KCNN3: variants seen among roughly 807,000 people sequenced by gnomAD.
KCNN3 encodes the protein small conductance calcium-activated potassium channel protein 3.
KCNN3 carries 16 observed loss-of-function variants against 62.9 expected under a neutral mutation model. That is an observed-to-expected ratio of 0.25 (90% CI 0.17 to 0.39). The LOEUF (loss-of-function observed/expected upper bound fraction) is 0.39. Among genes scored for constraint, KCNN3 ranks in the 10% least tolerant of loss-of-function variants. KCNN3 has a pLI of 1.00. For synonymous variants in KCNN3, 370 were observed against 389.2 expected (o/e 0.95, Z 0.58); for missense variants, 599 against 949.4 (o/e 0.63, Z 4.85).
chr1:154,835,269 C>A (rs1213299720), intron 1 of KCNN3, among the ~76,000 whole-genome samples: 1 of 152,166 alleles, frequency 6.6e-6, no homozygotes, highest in East Asian at 1.9e-4. Flanking sequence ...TGTTATCTGG[C>A]ATAATTATTA....
chr1:154,757,325 T>C (rs1464618335), intron 3 of KCNN3, among the ~76,000 whole-genome samples: 2 of 152,220 alleles, frequency 1.3e-5, no homozygotes, highest in Admixed American at 6.5e-5. Context: ...AGGAGCCTCT[T>C]GTCTCTTTGA....
rs529431722 is a variant in KCNN3, at chr1:154,864,125, G to A, written c.933+4907C>T. On this transcript the variant is annotated intron_variant, in intron 1 of 7. Transcript: ENST00000271915. ...AAATGTGTGCCTAGGGCCCTCGGCA[G>A]TGGGCTCGCAGGCTCTCAGCCAGTC... Among the ~76,000 whole-genome samples, 3 of 152,362 alleles carry A rather than the reference G, an allele frequency of 2.0e-5. No individual in the cohort carries two copies. In the South Asian group the frequency reaches 6.2e-4, roughly 32 times the overall value.
intron 1 of KCNN3, among the ~76,000 whole-genome samples, chr1:154,834,326 T>C (rs916882072): frequency 1.1e-4 from 16 of 152,242 alleles, no homozygotes; most frequent in Admixed American, 2.0e-4. Context: ...CACCAGCCTG[T>C]ACAGGGCTTC....
intron 3 of KCNN3, among the ~76,000 whole-genome samples, chr1:154,734,922 C>T (rs1700678885): frequency 2.0e-5 from 3 of 152,118 alleles, no homozygotes; most frequent in African/African-American, 4.8e-5. Context: ...AAGCGACTGG[C>T]GTGTGTCTTG....
chr1:154,756,717 T>TA (rs1557960149), intron 3 of KCNN3, among the ~76,000 whole-genome samples: 2 of 152,186 alleles, frequency 1.3e-5, no homozygotes, highest in African/African-American at 2.4e-5. Flanking sequence ...AATTTTTTTT[T>TA]AAAAAAGAAT....
chr1:154,713,231 C>G (rs1463535320), intron 7 of KCNN3, among the ~76,000 whole-genome samples: 1 of 152,168 alleles, frequency 6.6e-6, no homozygotes, highest in African/African-American at 2.4e-5. Flanking sequence ...AGAGACACAC[C>G]TGAGCGATTT....
chr1:154,807,389 G>A (rs1045533840), intron 2 of KCNN3, among the ~76,000 whole-genome samples: 1 of 152,122 alleles, frequency 6.6e-6, no homozygotes, highest in Non-Finnish European at 1.5e-5. Flanking sequence ...ACCTGCCCCC[G>A]CACTTCAACC....
At chr1:154,783,212 C>A (rs1311805893) in intron 2 of KCNN3, among the ~76,000 whole-genome samples, 3 of 140,308 alleles carry the variant, frequency 2.1e-5, no homozygotes, top group African/African-American at 2.6e-5. Flanking sequence ...GACTCCATCT[C>A]AAAAAAAAAA....
chr1:154,863,540 G>A (rs1652845519), intron 1 of KCNN3, among the ~76,000 whole-genome samples: 1 of 152,042 alleles, frequency 6.6e-6, no homozygotes, highest in African/African-American at 2.4e-5. Context: ...CCCCAAATGT[G>A]CTTCACAAAT....
At chr1:154,821,508 C>T (rs1650892213) in intron 2 of KCNN3, among the ~76,000 whole-genome samples, 1 of 152,218 alleles carries the variant, frequency 6.6e-6, no homozygotes, top group South Asian at 2.1e-4. Context: ...GCCAATGTTT[C>T]TCTGGGTACC....
chr1:154,859,025 G>T (rs1652650101), intron 1 of KCNN3, among the ~76,000 whole-genome samples: 1 of 152,136 alleles, frequency 6.6e-6, no homozygotes, highest in Non-Finnish European at 1.5e-5. Flanking sequence ...GCCCCCCTGA[G>T]GAGGCCTCCC....
chr1:154,709,297 G>C (rs189630938), intron 7 of KCNN3, among the ~76,000 whole-genome samples: 2 of 152,180 alleles, frequency 1.3e-5, no homozygotes, highest in African/African-American at 2.4e-5. Flanking sequence ...AGCCTCCCAC[G>C]TGTCAGGGAG....
rs180956749 is a variant in KCNN3 at position 154,725,607 on chromosome 1, G to A, written c.1701+309C>T. Among the ~76,000 whole-genome samples the A allele has an allele frequency of 4.9e-4, 73 of 150,422 alleles. No individual in the cohort carries two copies. The Middle Eastern group carries it at 0.014, about 28-fold the overall frequency. ...CACCCAGGCTGGAGTGCAGTAGTGC[G>A]ATCTCGGCTCACTGCAACCTCCGCC... On this transcript the variant is annotated intron_variant, in intron 5 of 7. Coordinates refer to ENST00000271915, the MANE Select transcript of KCNN3 (RefSeq NM_002249.6).
chr1:154,826,093 AAC>A lies in KCNN3; in HGVS notation c.934-3911_934-3910del, dbSNP rs1309695090. On this transcript the variant is annotated intron_variant, in intron 1 of 7. Transcript: ENST00000271915. ...CAAAAACAAAAACAAAAACAAAAAA[AAC>A]CAAAAAACACTTCTGCAGACAATAT... is the stretch of plus-strand genomic sequence containing the variant. Among the ~76,000 whole-genome samples the A allele has an allele frequency of 2.4e-4, 35 of 146,122 alleles. 1 individual carries two copies. Among genetic ancestry groups the A allele is most frequent in the South Asian group, 4.2e-4 (2 of 4,756 alleles).
chr1:154,749,629 A>G (rs996473011), intron 3 of KCNN3, among the ~76,000 whole-genome samples: 1 of 152,190 alleles, frequency 6.6e-6, no homozygotes, highest in African/African-American at 2.4e-5. Context: ...GCGAGTGGGA[A>G]GAATTCTGAC....
intron 4 of KCNN3, among the ~76,000 whole-genome samples, chr1:154,726,911 T>A (rs954809499): frequency 6.6e-6 from 1 of 152,192 alleles, no homozygotes; most frequent in African/African-American, 2.4e-5. Flanking sequence ...ATGGTGGGAC[T>A]CACTTTCTCT....
chr1:154,758,877 G>A (rs1235802912), intron 3 of KCNN3, among the ~76,000 whole-genome samples: 1 of 151,396 alleles, frequency 6.6e-6, no homozygotes, highest in Non-Finnish European at 1.5e-5. Context: ...GTGTGATCTC[G>A]GCTCACTGCA....
chr1:154,783,579 G>A (rs1343691052), intron 2 of KCNN3, among the ~76,000 whole-genome samples: 1 of 152,224 alleles, frequency 6.6e-6, no homozygotes, highest in African/African-American at 2.4e-5. Flanking sequence ...TGCTAATGAA[G>A]AAGATTCCTC....
intron 5 of KCNN3, among the ~76,000 whole-genome samples, chr1:154,716,438 T>C (rs1700234764): frequency 6.6e-6 from 1 of 152,372 alleles, no homozygotes; most frequent in South Asian, 2.1e-4. Flanking sequence ...TAGACCTGCT[T>C]CTTCAGACTG....
Sources: allele counts gnomAD v4.1 joint callset (sites outside exome capture counted in the v4.1 genomes callset), GRCh38; gene constraint gnomAD v4.1.1; transcripts MANE v1.5; gene names NCBI Gene and HGNC (gene_info 2026-07-23, HGNC 2026-07-21).